CDCP1: variants seen among roughly 807,000 people sequenced by gnomAD.
The protein encoded by CDCP1 is CUB domain containing protein 1, also known as CUB domain-containing protein 1.
A neutral mutation model predicts 60.2 loss-of-function variants in CDCP1; 29 were observed. The observed-to-expected ratio is 0.48, with a 90% CI of 0.36 to 0.66. The LOEUF is 0.66. Ranked by LOEUF, CDCP1 falls within the 30% of genes least tolerant of loss-of-function variation. The probability of loss-of-function intolerance (pLI) is 0.00; values close to 1 mark genes in which losing one functional copy is unlikely to be tolerated. For synonymous variants in CDCP1, 387 were observed against 431.1 expected (o/e 0.90, Z 1.27); for missense variants, 876 against 1,074.3 (o/e 0.82, Z 2.58).
At chr3:45,118,090 C>G (rs1698823757) in intron 2 of CDCP1, among the ~76,000 whole-genome samples, 1 of 152,204 alleles carries the variant, frequency 6.6e-6, no homozygotes, top group African/African-American at 2.4e-5. Context: ...AGCCTATGTG[C>G]ACAGTGGCTA....
At chr3:45,135,681 C>G (rs970204795) in intron 1 of CDCP1, among the ~76,000 whole-genome samples, 2 of 152,128 alleles carry the variant, frequency 1.3e-5, no homozygotes, top group African/African-American at 4.8e-5. Flanking sequence ...CAGAGCTATA[C>G]TTCTGCTCCA....
rs1698672247 is a variant in CDCP1, at chr3:45,110,615, C to A, written c.882G>T (p.Val294=). ...CAGGCTGCTTGTCCTCCAGCTTGAA[C>A]ACCTCGGGGTTGGTGGTGGAGCCCG... ...YIPGSTTNPE[V]FKLEDKQPGN... Residue 294 remains valine, a synonymous_variant, in exon 4 of 9, where the codon GTG becomes GTT. Transcript: ENST00000296129. The A allele has an allele frequency of 6.2e-7, 1 of 1,614,088 alleles. No individual in the cohort carries two copies. The highest frequency in any genetic ancestry group is 1.3e-5 in the African/African-American group (1 of 74,938).
Position 45,094,601 on chromosome 3 carries a change from G to A in CDCP1, c.1246+746C>T, listed in dbSNP as rs74577997. On this transcript the variant is annotated intron_variant, in intron 5 of 8. Coordinates refer to ENST00000296129, the MANE Select transcript of CDCP1 (RefSeq NM_022842.5). ...AAGTGACTAGTGCATGTCCAGCACCGGTAGGGGCTAACTGGATGAAAAATA... is the reference window on the plus strand; with the variant it reads ...AAGTGACTAGTGCATGTCCAGCACCAGTAGGGGCTAACTGGATGAAAAATA... Among the ~76,000 whole-genome samples, 72 of 152,082 alleles carry A rather than the reference G, an allele frequency of 4.7e-4. 2 individuals are homozygous for A. In the East Asian group the frequency reaches 0.012, roughly 25 times the overall value.
At chr3:45,108,793 G>GTA (rs1222694717) in intron 4 of CDCP1, among the ~76,000 whole-genome samples, 13 of 16,356 alleles carry the variant, frequency 7.9e-4, no homozygotes, top group Non-Finnish European at 8.3e-4. Context: ...ATATATGCAT[G>GTA]TATATATATA....
At chr3:45,108,907 GTATACA>G (rs1325616881) in intron 4 of CDCP1, among the ~76,000 whole-genome samples, 1 of 57,972 alleles carries the variant, frequency 1.7e-5, no homozygotes, top group Non-Finnish European at 3.4e-5. Context: ...ATATATGCAT[GTATACA>G]TATATATATA....
chr3:45,145,671 T>C (rs1351747107), intron 1 of CDCP1, among the ~76,000 whole-genome samples: 1 of 152,040 alleles, frequency 6.6e-6, no homozygotes, highest in South Asian at 2.1e-4. Context: ...GAATGCAGCG[T>C]GCGGACGGGA....
At chr3:45,097,936 A>T (rs140987484) in intron 4 of CDCP1, among the ~76,000 whole-genome samples, 485 of 152,268 alleles carry the variant, frequency 3.2e-3, no homozygotes, top group African/African-American at 0.01. Context: ...GATTTGGAAA[A>T]TAGTCAGCTT....
chr3:45,123,798 T>C (rs1192498813), intron 1 of CDCP1, among the ~76,000 whole-genome samples: 2 of 152,220 alleles, frequency 1.3e-5, no homozygotes, highest in Non-Finnish European at 2.9e-5. Context: ...TGGTATTTCA[T>C]TGGTCTAATA....
At chr3:45,099,805 A>G (rs59428754) in intron 4 of CDCP1, among the ~76,000 whole-genome samples, 1,660 of 152,070 alleles carry the variant, frequency 0.011, 30 homozygotes, top group African/African-American at 0.038. Flanking sequence ...GGAGATTAAA[A>G]ACGAGCTTTC....
intron 1 of CDCP1, among the ~76,000 whole-genome samples, chr3:45,121,470 C>G (rs1454463006): frequency 6.6e-6 from 1 of 152,250 alleles, no homozygotes; most frequent in African/African-American, 2.4e-5. Context: ...CCCTCAGTCT[C>G]TCCAAGTTGG....
intron 2 of CDCP1, among the ~76,000 whole-genome samples, chr3:45,114,183 G>A (rs1440198829): frequency 6.6e-6 from 1 of 152,168 alleles, no homozygotes; most frequent in Non-Finnish European, 1.5e-5. Flanking sequence ...TGAGAGTCAG[G>A]TTATGAAAGC....
chr3:45,134,488 G>A (rs958169629), intron 1 of CDCP1, among the ~76,000 whole-genome samples: 13 of 152,228 alleles, frequency 8.5e-5, no homozygotes, highest in Non-Finnish European at 1.5e-4. Context: ...CTTGACTGGG[G>A]AGTGTGGGTG....
At chr3:45,124,271 C>T (rs1249309793) in intron 1 of CDCP1, among the ~76,000 whole-genome samples, 1 of 152,160 alleles carries the variant, frequency 6.6e-6, no homozygotes, top group African/African-American at 2.4e-5. Context: ...ATTTTTCTCC[C>T]AGATCTGTCA....
intron 4 of CDCP1, among the ~76,000 whole-genome samples, chr3:45,098,355 T>G (rs1020080401): frequency 1.3e-5 from 2 of 152,074 alleles, no homozygotes; most frequent in Admixed American, 1.3e-4. Flanking sequence ...GCTATTTATA[T>G]GTACAGATTT....
intron 5 of CDCP1, 76 bp from the exon 6 acceptor site, chr3:45,093,733 G>A: frequency 6.6e-7 from 1 of 1,508,558 alleles, no homozygotes; most frequent in Non-Finnish European, 8.9e-7. Flanking sequence ...CCGTCAGCCT[G>A]AGGTTGGGTG....
At chr3:45,090,993 C>T (rs1698282672) in intron 7 of CDCP1, among the ~76,000 whole-genome samples, 180 bp downstream of exon 7, 1 of 152,172 alleles carries the variant, frequency 6.6e-6, no homozygotes, top group Admixed American at 6.5e-5. Flanking sequence ...TAGATGGCTG[C>T]TACTAAGCCA....
intron 8 of CDCP1, 99 bp downstream of exon 8, chr3:45,088,955 G>C: frequency 1.0e-6 from 1 of 961,624 alleles, no homozygotes; most frequent in South Asian, 1.4e-5. Context: ...GGGAAAAAAT[G>C]GGAAGCAAGA....
intron 4 of CDCP1, among the ~76,000 whole-genome samples, chr3:45,106,662 T>C (rs1698571787): frequency 6.6e-6 from 1 of 152,130 alleles, no homozygotes; most frequent in African/African-American, 2.4e-5. Flanking sequence ...ATCCATGTTG[T>C]GTGAAGAATG....
intron 4 of CDCP1, among the ~76,000 whole-genome samples, chr3:45,108,484 T>C (rs955964635): frequency 1.3e-5 from 2 of 152,026 alleles, no homozygotes; most frequent in African/African-American, 4.8e-5. Flanking sequence ...ACCCAGCTGA[T>C]GTTACAGTTA....
Sources: gnomAD v4.1 joint callset for allele counts (sites outside exome capture counted in the v4.1 genomes callset) on GRCh38, gnomAD v4.1.1 for gene constraint, MANE v1.5 for transcripts, NCBI Gene and HGNC (gene_info 2026-07-23, HGNC 2026-07-21) for gene names.